Variants in CPA6 observed in about 807,000 individuals in gnomAD.
CPA6 encodes the protein carboxypeptidase A6.
CPA6 carries 58 observed loss-of-function variants against 63.3 expected under a neutral mutation model. The observed-to-expected ratio is 0.92, with a 90% CI of 0.74 to 1.14. The LOEUF (loss-of-function observed/expected upper bound fraction) is 1.14. Ranked by LOEUF, CPA6 falls within the 50% of genes most tolerant of loss-of-function variation. CPA6 has a pLI of 0.00. For missense variants in CPA6, 565 were observed against 526.6 expected (o/e 1.07, Z -0.71); for synonymous variants, 185 against 179.0 (o/e 1.03, Z -0.27).
At position 67,745,136 on chromosome 8, in the gene CPA6, T is replaced by C. The variant is rs553352527; in HGVS notation, c.116+878A>G. Among the ~76,000 whole-genome samples the C allele has an allele frequency of 9.8e-5, 15 of 152,372 alleles. No individual in the cohort carries two copies. The South Asian group carries it at 2.9e-3, about 29-fold the overall frequency. On this transcript the variant is annotated intron_variant, in intron 1 of 10. Coordinates refer to ENST00000297770, the MANE Select transcript of CPA6 (RefSeq NM_020361.5). ...GAAAACTTTTCTCAGGTGGTGATTA[T>C]TGAATGATAGTAGCCTATTTAAAAA...
intron 1 of CPA6, among the ~76,000 whole-genome samples, chr8:67,670,340 C>T (rs1816316412): frequency 6.6e-6 from 1 of 152,048 alleles, no homozygotes; most frequent in Non-Finnish European, 1.5e-5. Context: ...GAAGGTGCCA[C>T]CCACTTTTAA....
intron 2 of CPA6, among the ~76,000 whole-genome samples, chr8:67,540,151 G>A (rs1167997377): frequency 3.3e-5 from 5 of 151,336 alleles, no homozygotes; most frequent in East Asian, 1.9e-4. Flanking sequence ...TCTACCTTTG[G>A]TCTTTGATGT....
intron 2 of CPA6, among the ~76,000 whole-genome samples, chr8:67,588,920 C>A (rs1814023831): frequency 6.6e-6 from 1 of 151,950 alleles, no homozygotes; most frequent in African/African-American, 2.4e-5. Context: ...GGTTTGAGAC[C>A]AGCCAGGCCA....
At chr8:67,423,092 T>C (rs1809804468) in intron 10 of CPA6, among the ~76,000 whole-genome samples, 2 of 145,422 alleles carry the variant, frequency 1.4e-5, no homozygotes, top group South Asian at 4.2e-4. Flanking sequence ...CAGAAATGTC[T>C]TTTTTTTTTT....
At chr8:67,670,740 A>T (rs1255858203) in intron 1 of CPA6, among the ~76,000 whole-genome samples, 1 of 152,180 alleles carries the variant, frequency 6.6e-6, no homozygotes, top group East Asian at 1.9e-4. Context: ...CAAAGACGCA[A>T]ATCAACATCA....
chr8:67,522,674 G>A (rs779530920), intron 2 of CPA6, among the ~76,000 whole-genome samples: 4 of 152,212 alleles, frequency 2.6e-5, no homozygotes, highest in African/African-American at 7.2e-5. Context: ...CTCCCTGGGC[G>A]AGAGCTCTAA....
chr8:67,460,242 A>G (rs544976767), intron 8 of CPA6, among the ~76,000 whole-genome samples: 1 of 152,354 alleles, frequency 6.6e-6, no homozygotes, highest in South Asian at 2.1e-4. Context: ...GAGGATCAAT[A>G]GATGTTTATT....
intron 8 of CPA6, among the ~76,000 whole-genome samples, chr8:67,468,936 A>G (rs1220387102): frequency 2.6e-5 from 4 of 152,128 alleles, no homozygotes; most frequent in Admixed American, 6.5e-5. Flanking sequence ...CTTACCTAGA[A>G]TGCCCTCTTG....
chr8:67,483,075 C>T (rs16933333), intron 8 of CPA6, among the ~76,000 whole-genome samples: 47,216 of 151,964 alleles, frequency 0.31, 7,473 homozygotes, highest in Middle Eastern at 0.45. Flanking sequence ...TTTTGAGGGA[C>T]CTACAGAAAG....
At chr8:67,704,935 A>G (rs1288440494) in intron 1 of CPA6, among the ~76,000 whole-genome samples, 1 of 152,186 alleles carries the variant, frequency 6.6e-6, no homozygotes, top group African/African-American at 2.4e-5. Flanking sequence ...CAGTGCCCCT[A>G]TGATGGAAAT....
chr8:67,713,327 A>G (rs1817312258), intron 1 of CPA6, among the ~76,000 whole-genome samples: 1 of 151,682 alleles, frequency 6.6e-6, no homozygotes. Context: ...AAACAAGTGA[A>G]ACTGTGGATA....
rs1026583604 is a variant in CPA6 at position 67,634,185 on chromosome 8, T to C, written c.117-9934A>G. On this transcript the variant is annotated intron_variant, in intron 1 of 10. Coordinates refer to ENST00000297770, the MANE Select transcript of CPA6 (RefSeq NM_020361.5). Reference sequence around the variant, plus strand: ...TCTCCAAGTCACTGGATTTAATTATTATTATTATTATTATTATTATTATTA... The same window carrying C: ...TCTCCAAGTCACTGGATTTAATTATCATTATTATTATTATTATTATTATTA... 1.5e-4 allele frequency among the ~76,000 whole-genome samples: 6 copies of C among 40,190 alleles called. No individual in the cohort carries two copies. In the East Asian group the frequency reaches 4.7e-3, roughly 32 times the overall value. The allele number at this position is 40,190 out of a possible 152,430, so 26.4% of individuals were successfully genotyped here.
At chr8:67,640,734 G>A (rs1815572427) in intron 1 of CPA6, among the ~76,000 whole-genome samples, 1 of 151,430 alleles carries the variant, frequency 6.6e-6, no homozygotes, top group Non-Finnish European at 1.5e-5. Context: ...CTTGTCCTGG[G>A]CTCCCACTTG....
At chr8:67,549,572 A>AG (rs768594629) in intron 2 of CPA6, among the ~76,000 whole-genome samples, 4 of 152,240 alleles carry the variant, frequency 2.6e-5, no homozygotes, top group Non-Finnish European at 4.4e-5. Context: ...GCTATATGGT[A>AG]GATCCCTAGG....
intron 2 of CPA6, among the ~76,000 whole-genome samples, chr8:67,528,623 C>A (rs1213207116): frequency 6.6e-6 from 1 of 152,060 alleles, no homozygotes; most frequent in Non-Finnish European, 1.5e-5. Context: ...CACGACTTGA[C>A]CAAACTTGAG....
At chr8:67,568,624 A>C (rs1036868237) in intron 2 of CPA6, among the ~76,000 whole-genome samples, 6 of 152,228 alleles carry the variant, frequency 3.9e-5, no homozygotes, top group African/African-American at 1.4e-4. Context: ...GGAAGCAAAA[A>C]GAAACAAGAA....
intron 2 of CPA6, among the ~76,000 whole-genome samples, chr8:67,563,130 A>C (rs1357244542): frequency 6.6e-6 from 1 of 151,970 alleles, no homozygotes; most frequent in Non-Finnish European, 1.5e-5. Flanking sequence ...GAAAAAAAAA[A>C]ACACAACCAG....
chr8:67,665,460 C>T (rs757005169), intron 1 of CPA6, among the ~76,000 whole-genome samples: 8 of 152,146 alleles, frequency 5.3e-5, no homozygotes, highest in Non-Finnish European at 7.4e-5. Context: ...ACTCCAAGTA[C>T]AAGAACTGAA....
At chr8:67,489,730 T>G (rs926283825) in intron 6 of CPA6, among the ~76,000 whole-genome samples, 3 of 152,206 alleles carry the variant, frequency 2.0e-5, no homozygotes, top group Admixed American at 1.3e-4. Flanking sequence ...ATTACCTATA[T>G]TCTTACTAAA....
Sources: gnomAD v4.1 joint callset for allele counts (sites outside exome capture counted in the v4.1 genomes callset) on GRCh38, gnomAD v4.1.1 for gene constraint, MANE v1.5 for transcripts, NCBI Gene and HGNC (gene_info 2026-07-23, HGNC 2026-07-21) for gene names.